The following B3GALT1 variants were observed in gnomAD, a reference collection of about 807,000 sequenced individuals.
B3GALT1 encodes the protein beta-1,3-galactosyltransferase 1.
Under a neutral mutation model 23.2 loss-of-function variants are expected in B3GALT1, and 10 were observed. The observed-to-expected ratio is 0.43, with a 90% CI of 0.27 to 0.73. The LOEUF (loss-of-function observed/expected upper bound fraction) is 0.73. B3GALT1 is among the 30% of genes least tolerant of loss of function. The probability of loss-of-function intolerance (pLI) is 0.21; values close to 1 mark genes in which losing one functional copy is unlikely to be tolerated. For synonymous variants in B3GALT1, 156 were observed against 141.5 expected, an observed-to-expected ratio of 1.10 and a Z score of -0.73; for missense variants, 299 against 405.4, an observed-to-expected ratio of 0.74 and a Z score of 2.25.
At chr2:167,637,074 A>G (rs964193812) in intron 2 of B3GALT1, among the ~76,000 whole-genome samples, 2 of 151,964 alleles carry the variant, frequency 1.3e-5, no homozygotes, top group African/African-American at 2.4e-5. Flanking sequence ...TGCCCATGCT[A>G]TTCCAGTTTG....
At chr2:167,519,674 A>G (rs1700158610) in intron 2 of B3GALT1, among the ~76,000 whole-genome samples, 1 of 152,214 alleles carries the variant, frequency 6.6e-6, no homozygotes, top group Non-Finnish European at 1.5e-5. Context: ...AATTTGGAAA[A>G]TATATAAAAG....
intron 1 of B3GALT1, among the ~76,000 whole-genome samples, chr2:167,408,412 T>A (rs1437911538): frequency 2.0e-5 from 3 of 152,116 alleles, no homozygotes; most frequent in Non-Finnish European, 4.4e-5. Context: ...GCTAACATCA[T>A]ACTGAACAGG....
chr2:167,657,839 A>G (rs1332085809), intron 3 of B3GALT1, among the ~76,000 whole-genome samples: 1 of 152,134 alleles, frequency 6.6e-6, no homozygotes, highest in Non-Finnish European at 1.5e-5. Context: ...ACATTATTTT[A>G]TTAGTTTCAA....
chr2:167,533,368 C>T lies in B3GALT1; in HGVS notation c.-410+43091C>T, dbSNP rs76484552. On this transcript the variant is annotated intron_variant, in intron 2 of 4. Coordinates refer to ENST00000392690, the MANE Select transcript of B3GALT1 (RefSeq NM_020981.4). ...TTTTTTAATTATAAGTGAGTATCGACACATCAAATACTTTTTAAGAATCTA... is the reference window on the plus strand; with the variant it reads ...TTTTTTAATTATAAGTGAGTATCGATACATCAAATACTTTTTAAGAATCTA... Among the ~76,000 whole-genome samples, 487 of 151,960 alleles carry T rather than the reference C, an allele frequency of 3.2e-3. 2 individuals are homozygous for T. The highest frequency in any genetic ancestry group is 0.011 in the African/African-American group (472 of 41,420).
At chr2:167,387,274 A>G (rs914982687) in intron 1 of B3GALT1, among the ~76,000 whole-genome samples, 2 of 152,216 alleles carry the variant, frequency 1.3e-5, no homozygotes, top group African/African-American at 4.8e-5. Flanking sequence ...TAGTTTTATT[A>G]TTGCATTAAA....
chr2:167,860,707 C>A (rs1332655326), intron 4 of B3GALT1, among the ~76,000 whole-genome samples: 1 of 152,164 alleles, frequency 6.6e-6, no homozygotes, highest in Non-Finnish European at 1.5e-5. Context: ...ACATCAGGAA[C>A]TGCTGGTTTG....
At chr2:167,625,475 T>A (rs1685324491) in intron 2 of B3GALT1, among the ~76,000 whole-genome samples, 1 of 151,828 alleles carries the variant, frequency 6.6e-6, no homozygotes, top group Non-Finnish European at 1.5e-5. Flanking sequence ...TCCTATAAGA[T>A]GATTATTTGA....
chr2:167,743,000 C>T (rs1396610953), intron 3 of B3GALT1, among the ~76,000 whole-genome samples: 1 of 152,086 alleles, frequency 6.6e-6, no homozygotes, highest in Non-Finnish European at 1.5e-5. Context: ...TGGTTTTACA[C>T]TTCATAAAAA....
rs544273470 is a variant in B3GALT1, at chr2:167,356,041, A to C, written c.-511+62707A>C. 3.9e-5 allele frequency among the ~76,000 whole-genome samples: 6 copies of C among 152,332 alleles called. No homozygotes were observed. In the South Asian group the frequency reaches 1.2e-3, roughly 32 times the overall value. ...AGCAACTGAGCATATCAAGTTCTTCAAGGAAAATGAGAAACTAAGCACAGC... is the reference window on the plus strand; with the variant it reads ...AGCAACTGAGCATATCAAGTTCTTCCAGGAAAATGAGAAACTAAGCACAGC... On this transcript the variant is annotated intron_variant, in intron 1 of 4. Coordinates refer to ENST00000392690, the MANE Select transcript of B3GALT1 (RefSeq NM_020981.4).
chr2:167,294,024 T>C (rs1696304070), intron 1 of B3GALT1, among the ~76,000 whole-genome samples: 1 of 152,208 alleles, frequency 6.6e-6, no homozygotes, highest in South Asian at 2.1e-4. Flanking sequence ...TACACTTTTC[T>C]GGAGCGCAGA....
chr2:167,671,827 A>T (rs1686330391), intron 3 of B3GALT1, among the ~76,000 whole-genome samples: 1 of 152,144 alleles, frequency 6.6e-6, no homozygotes, highest in South Asian at 2.1e-4. Context: ...AAAAATAAAA[A>T]TGATTGACAA....
chr2:167,713,773 T>C, intron 3 of B3GALT1: 1 of 1,590,090 alleles, frequency 6.3e-7, no homozygotes, highest in East Asian at 2.2e-5. Context: ...ATCCAGGTCT[T>C]GGATGAAAGT....
chr2:167,523,457 C>A (rs1683154229), intron 2 of B3GALT1, among the ~76,000 whole-genome samples: 1 of 147,180 alleles, frequency 6.8e-6, no homozygotes, highest in Admixed American at 6.9e-5. Flanking sequence ...GGAGTTTTTG[C>A]TCCTGTCACC....
At chr2:167,296,770 T>C (rs971482152) in intron 1 of B3GALT1, among the ~76,000 whole-genome samples, 2 of 152,218 alleles carry the variant, frequency 1.3e-5, no homozygotes, top group African/African-American at 4.8e-5. Context: ...ATTCAATGAA[T>C]ACTTGTATGA....
intron 2 of B3GALT1, among the ~76,000 whole-genome samples, chr2:167,566,034 A>G (rs1486699994): frequency 4.6e-5 from 7 of 152,116 alleles, no homozygotes; most frequent in Non-Finnish European, 8.8e-5. Flanking sequence ...TCATGCTGCT[A>G]TAAAGACACA....
In B3GALT1 at chr2:167,668,305, C is replaced by T. The variant is rs559419138; in HGVS notation, c.-352+21339C>T. Among the ~76,000 whole-genome samples, 6 of 152,118 alleles carry T rather than the reference C, an allele frequency of 3.9e-5. No homozygotes were observed. In the South Asian group the frequency reaches 8.3e-4, roughly 21 times the overall value. ...GACCCACTTGAGGAGGCAGTTTGCC[C>T]GTTCTCAGATCTCCAGCTGCATGCT... On this transcript the variant is annotated intron_variant, in intron 3 of 4. Transcript: ENST00000392690.
intron 2 of B3GALT1, among the ~76,000 whole-genome samples, chr2:167,566,865 G>A (rs1173383605): frequency 1.3e-5 from 2 of 152,082 alleles, no homozygotes; most frequent in African/African-American, 4.8e-5. Flanking sequence ...AATAAAATTG[G>A]TCTCTCCCCT....
At chr2:167,806,989 A>G (rs1367153254) in intron 3 of B3GALT1, among the ~76,000 whole-genome samples, 2 of 152,174 alleles carry the variant, frequency 1.3e-5, no homozygotes, top group African/African-American at 4.8e-5. Flanking sequence ...GCCTCAATTC[A>G]GATCCTGTTA....
intron 3 of B3GALT1, among the ~76,000 whole-genome samples, chr2:167,788,722 C>T (rs1424469179): frequency 6.6e-6 from 1 of 151,954 alleles, no homozygotes; most frequent in Non-Finnish European, 1.5e-5. Context: ...GGGTTGGGGA[C>T]CCCTAATTTA....
Sources: allele counts gnomAD v4.1 joint callset (sites outside exome capture counted in the v4.1 genomes callset), GRCh38; gene constraint gnomAD v4.1.1; transcripts MANE v1.5; gene names NCBI Gene and HGNC (gene_info 2026-07-23, HGNC 2026-07-21).